Variants in TIMP3 observed in about 807,000 individuals in gnomAD.
The protein encoded by TIMP3 is TIMP metallopeptidase inhibitor 3, also known as metalloproteinase inhibitor 3.
Under a neutral mutation model 30.0 loss-of-function variants are expected in TIMP3, and 11 were observed. The observed-to-expected ratio is 0.37, with a 90% CI of 0.23 to 0.61. The LOEUF (loss-of-function observed/expected upper bound fraction) is 0.61, where lower values mean the gene tolerates loss of function less well. Among genes scored for constraint, TIMP3 ranks in the 20% least tolerant of loss-of-function variants. The pLI, the probability that TIMP3 is intolerant of heterozygous loss-of-function variation, is 0.70. For synonymous variants in TIMP3, 112 were observed against 111.3 expected (o/e 1.01, Z -0.04); for missense variants, 181 against 276.8 (o/e 0.65, Z 2.45).
At chr22:32,852,786 T>C (rs941714903) in intron 2 of TIMP3, among the ~76,000 whole-genome samples, 5 of 152,156 alleles carry the variant, frequency 3.3e-5, no homozygotes, top group Admixed American at 6.5e-5. Flanking sequence ...AGAGAGCTTA[T>C]TGCAATCCCA....
At chr22:32,830,119 G>A (rs758020401) in intron 1 of TIMP3, among the ~76,000 whole-genome samples, 10 of 152,152 alleles carry the variant, frequency 6.6e-5, no homozygotes, top group South Asian at 4.1e-4. Flanking sequence ...GAGCTTGCAC[G>A]GCCCATATGG....
At position 32,817,508 on chromosome 22, in the gene TIMP3, C is replaced by T. The variant is rs73158321; in HGVS notation, c.121+15386C>T. Among the ~76,000 whole-genome samples, 537 of 152,284 alleles carry T rather than the reference C, an allele frequency of 3.5e-3. 4 individuals carry two copies. The highest frequency in any genetic ancestry group is 5.2e-3 in the South Asian group (25 of 4,822). On this transcript the variant is annotated intron_variant, in intron 1 of 4. Coordinates refer to ENST00000266085, the MANE Select transcript of TIMP3 (RefSeq NM_000362.5). The stretch of plus-strand genomic sequence containing the variant: ...TAGGGAAGAAGAAATTAGGAAGTAT[C>T]ATCTGCATTACACAGGGAAGCTGCT...
intron 2 of TIMP3, among the ~76,000 whole-genome samples, chr22:32,856,084 C>T (rs1424243491): frequency 6.6e-6 from 1 of 152,152 alleles, no homozygotes; most frequent in Non-Finnish European, 1.5e-5. Context: ...GTAATACATC[C>T]CTCCCAGGGC....
chr22:32,852,877 C>T (rs2048262068), intron 2 of TIMP3, among the ~76,000 whole-genome samples: 2 of 152,122 alleles, frequency 1.3e-5, no homozygotes, highest in Non-Finnish European at 2.9e-5. Context: ...ACCTTATCTC[C>T]CATCAGGACC....
At chr22:32,854,342 T>G (rs1369365557) in intron 2 of TIMP3, among the ~76,000 whole-genome samples, 3 of 152,118 alleles carry the variant, frequency 2.0e-5, no homozygotes, top group Non-Finnish European at 4.4e-5. Context: ...GGTGCCAAGC[T>G]GATTTCGATG....
In TIMP3 at chr22:32,860,461, G is replaced by A. The variant is rs1437680743; in HGVS notation, c.*1084G>A. 6.6e-6 allele frequency: 1 copy of A among 152,594 alleles called. No individual in the cohort carries two copies. The highest frequency in any genetic ancestry group is 1.5e-5 in the Non-Finnish European group (1 of 68,036). 9.5% of individuals were successfully genotyped at this position (152,594 alleles called of 1,614,324 possible). On this transcript the variant is annotated 3_prime_UTR_variant, in exon 5 of 5. Transcript: ENST00000266085. ...AATTCTGTTCAATGCTGTTAAATAT[G>A]CCAATAGTTTAATCTCTTCTATTTT... is the stretch of plus-strand genomic sequence containing the variant.
At chr22:32,831,833 T>C (rs922802961) in intron 1 of TIMP3, among the ~76,000 whole-genome samples, 1 of 151,776 alleles carries the variant, frequency 6.6e-6, no homozygotes, top group African/African-American at 2.4e-5. Context: ...GCCTGGAAAA[T>C]AGGATGTCAC....
intron 1 of TIMP3, among the ~76,000 whole-genome samples, chr22:32,834,280 G>A (rs898441680): frequency 6.6e-6 from 1 of 151,974 alleles, no homozygotes; most frequent in African/African-American, 2.4e-5. Flanking sequence ...AGCCTCCCAA[G>A]TAGTTGGGAT....
chr22:32,804,594 C>CG (rs919025472), intron 1 of TIMP3, among the ~76,000 whole-genome samples: 1 of 152,280 alleles, frequency 6.6e-6, no homozygotes, highest in African/African-American at 2.4e-5. Flanking sequence ...TGGTCCTCTC[C>CG]GGGGGGCTGC....
chr22:32,819,644 G>T (rs1420513961), intron 1 of TIMP3, among the ~76,000 whole-genome samples: 1 of 152,126 alleles, frequency 6.6e-6, no homozygotes, highest in African/African-American at 2.4e-5. Context: ...GCATAGATCT[G>T]CCCTTCCCCC....
At chr22:32,852,818 G>A (rs1438305004) in intron 2 of TIMP3, among the ~76,000 whole-genome samples, 2 of 152,206 alleles carry the variant, frequency 1.3e-5, no homozygotes, top group South Asian at 2.1e-4. Context: ...TAGCTGGGCT[G>A]TGGGGTGAAG....
chr22:32,859,456 C>A lies in TIMP3; in HGVS notation c.*79C>A. ...GACACTAACTCTTCCCAGATGATGACAATGAAATTAGTGCCTGTTTTCTTG... is the reference window on the plus strand; with the variant it reads ...GACACTAACTCTTCCCAGATGATGAAAATGAAATTAGTGCCTGTTTTCTTG... On this transcript the variant is annotated 3_prime_UTR_variant, in exon 5 of 5. Transcript: ENST00000266085. 6.7e-7 allele frequency: 1 copy of A among 1,503,390 alleles called. No individual in the cohort carries two copies. The allele number at this position is 1,503,390 out of a possible 1,614,324, so 93.1% of individuals were successfully genotyped here. A position where few individuals can be genotyped will look rare whatever the true frequency, so the allele number is the denominator to read the frequency against.
rs2047758838 is a variant in TIMP3 at position 32,837,262 on chromosome 22, T to C, written c.122-12190T>C. Among the ~76,000 whole-genome samples the C allele has an allele frequency of 6.6e-6, 1 of 152,156 alleles. No homozygotes were observed. Among genetic ancestry groups the C allele is most frequent in the African/African-American group, 2.4e-5 (1 of 41,456 alleles). The stretch of plus-strand genomic sequence containing the variant: ...ACCATGCTGCTATTCTGGTGGCCAC[T>C]TGTGTGGGATAAAGTTTCCCATGGG... On this transcript the variant is annotated intron_variant, in intron 1 of 4. Coordinates refer to ENST00000266085, the MANE Select transcript of TIMP3 (RefSeq NM_000362.5). This position sits in a 1 kb window ranked among gnomAD's most constrained non-coding sequence, Gnocchi z 4.1.
At chr22:32,820,087 A>G (rs2047193308) in intron 1 of TIMP3, among the ~76,000 whole-genome samples, 1 of 151,930 alleles carries the variant, frequency 6.6e-6, no homozygotes. Context: ...TCTGATTCCT[A>G]TGAAGGTGGA....
Position 32,861,755 on chromosome 22 carries a change from G to C in TIMP3, c.*2378G>C, listed in dbSNP as rs578055165. On this transcript the variant is annotated 3_prime_UTR_variant, in exon 5 of 5. Transcript: ENST00000266085. ...AAGCGATGTCAGAGGGCGGTTTTGA[G>C]CTTTCTATAAGCTATAGCTTTGTTT... The C allele has an allele frequency of 6.6e-6, 1 of 152,632 alleles. No individual in the cohort carries two copies. The highest frequency in any genetic ancestry group is 2.1e-4 in the South Asian group (1 of 4,822). The allele number at this position is 152,632 out of a possible 1,614,324, so 9.5% of individuals were successfully genotyped here.
At chr22:32,831,848 C>A (rs2047582771) in intron 1 of TIMP3, among the ~76,000 whole-genome samples, 1 of 151,280 alleles carries the variant, frequency 6.6e-6, no homozygotes, top group South Asian at 2.1e-4. Flanking sequence ...TGTCACTGCA[C>A]CCCCCCCAAC....
intron 1 of TIMP3, among the ~76,000 whole-genome samples, chr22:32,832,666 C>A (rs1259252471): frequency 1.3e-5 from 2 of 150,532 alleles, no homozygotes; most frequent in African/African-American, 2.5e-5. Flanking sequence ...GGTTTGAAAA[C>A]CCTCGAGTAT....
intron 1 of TIMP3, among the ~76,000 whole-genome samples, chr22:32,814,339 G>GAAAGAAAGAAAGGAAGAAAGGAAGAA (rs369652077): frequency 2.8e-3 from 29 of 10,320 alleles, no homozygotes; most frequent in East Asian, 6.9e-3. Flanking sequence ...AAGAAAGAAA[G>GAAAGAAAGAAAGGAAGAAAGGAAGAA]AGAAAGAAAG....
chr22:32,854,543 C>T (rs944477296), intron 2 of TIMP3, among the ~76,000 whole-genome samples: 2 of 152,162 alleles, frequency 1.3e-5, no homozygotes, highest in African/African-American at 2.4e-5. Context: ...GGAACACCCA[C>T]ACAAAAATAA....
Sources: gnomAD v4.1 joint callset for allele counts (sites outside exome capture counted in the v4.1 genomes callset) on GRCh38, gnomAD v4.1.1 for gene constraint, Gnocchi (gnomAD v3.1) non-coding constraint, MANE v1.5 for transcripts, NCBI Gene and HGNC (gene_info 2026-07-23, HGNC 2026-07-21) for gene names.